Variants in NRP2 observed in about 807,000 individuals in gnomAD.
The protein encoded by NRP2 is neuropilin 2, also known as neuropilin-2.
Under a neutral mutation model 110.4 loss-of-function variants are expected in NRP2, and 52 were observed. That is an observed-to-expected ratio of 0.47 (90% CI 0.38 to 0.59). The LOEUF (loss-of-function observed/expected upper bound fraction) is 0.59. Ranked by LOEUF, NRP2 falls within the 20% of genes least tolerant of loss-of-function variation. NRP2 has a pLI of 0.00. For missense variants in NRP2, 1,049 were observed against 1,203.0 expected (o/e 0.87, Z 1.89); for synonymous variants, 508 against 468.9 (o/e 1.08, Z -1.08).
In NRP2 at chr2:205,722,504, A is replaced by T. The variant is rs745343398; in HGVS notation, c.460A>T (p.Thr154Ser). 4 of 1,614,198 alleles carry T rather than the reference A, an allele frequency of 2.5e-6. No homozygotes were observed. Among genetic ancestry groups the T allele is most frequent in the Admixed American group, 1.7e-5 (1 of 60,034 alleles). The change falls in exon 4 of 17, where the codon ACA becomes TCA. Residue 154 changes from threonine (T) to serine (S), a missense_variant. Coordinates refer to ENST00000357785, the MANE Select transcript of NRP2 (RefSeq NM_003872.3). ...TGSEDCSKNF[T>S]SPNGTIESPG... ...CTCTGAAGATTGCTCAAAAAACTTC[A>T]CAAGCCCCAACGGGACCATCGAATC...
intron 10 of NRP2, among the ~76,000 whole-genome samples, chr2:205,749,435 C>T (rs1036064016): frequency 5.9e-5 from 9 of 152,144 alleles, no homozygotes; most frequent in Middle Eastern, 3.2e-3. Flanking sequence ...TAGCCCCCTC[C>T]ATTATTGTCT....
chr2:205,767,661 T>C (rs2057949020), intron 15 of NRP2: 3 of 257,906 alleles, frequency 1.2e-5, no homozygotes, highest in African/African-American at 6.9e-5. Context: ...CATTTTGCCC[T>C]CTTTGCAAAC....
At chr2:205,745,966 G>C (rs1269572103) in intron 10 of NRP2, 76 bp downstream of exon 10, 1 of 1,539,266 alleles carries the variant, frequency 6.5e-7, no homozygotes, top group African/African-American at 1.4e-5. Flanking sequence ...GGCCCTGGGA[G>C]GGCTGTGGAG....
chr2:205,752,935 C>G lies in NRP2; in HGVS notation c.2004C>G (p.Thr668=). The G allele has an allele frequency of 6.2e-7, 1 of 1,614,078 alleles. No individual in the cohort carries two copies. Among genetic ancestry groups the G allele is most frequent in the Non-Finnish European group, 8.5e-7 (1 of 1,180,032 alleles). ...MYDHAKWLRT[T]WASSSSPNDR... ...ACCATGCCAAGTGGCTCCGGACCAC[C>G]TGGGCCAGCAGCTCCAGCCCAAACG... is the stretch of plus-strand genomic sequence containing the variant. The change falls in exon 12 of 17, where the codon ACC becomes ACG. Residue 668 remains threonine, a synonymous_variant. Coordinates refer to ENST00000357785, the MANE Select transcript of NRP2 (RefSeq NM_003872.3).
At chr2:205,697,194 G>T (rs1421161275) in intron 1 of NRP2, among the ~76,000 whole-genome samples, 2 of 152,080 alleles carry the variant, frequency 1.3e-5, no homozygotes, top group African/African-American at 4.8e-5. Flanking sequence ...AGGAAGATGG[G>T]CCAAGGAGGG....
chr2:205,698,014 C>A (rs1016425895), intron 2 of NRP2: 13 of 442,506 alleles, frequency 2.9e-5, no homozygotes, highest in Non-Finnish European at 5.5e-5. Flanking sequence ...AGGGGCTGGA[C>A]TACAAAACTC....
rs748525997 is a variant in NRP2 at position 205,763,691 on chromosome 2, C to A, written c.2062C>A (p.Arg688=). ...RTFPDDRNFL[R]LQSDSQREGQ... is the part of the protein sequence containing the mutation. The stretch of plus-strand genomic sequence containing the variant: ...TCTGCCAGATGACAGGAATTTCTTG[C>A]GGCTGCAGAGTGACAGCCAGAGAGA... Residue 688 remains arginine, a synonymous_variant, in exon 13 of 17, where the codon CGG becomes AGG. Transcript: ENST00000357785. This position sits in a 1 kb window ranked among gnomAD's most constrained non-coding sequence, Gnocchi z 4.0. 1.9e-6 allele frequency: 3 copies of A among 1,614,086 alleles called. No individual in the cohort carries two copies. Among genetic ancestry groups the A allele is most frequent in the Admixed American group, 1.7e-5 (1 of 60,010 alleles).
chr2:205,690,976 G>C (rs1336685555), intron 1 of NRP2, among the ~76,000 whole-genome samples: 1 of 152,060 alleles, frequency 6.6e-6, no homozygotes, highest in African/African-American at 2.4e-5. Context: ...TAACAGCTGG[G>C]GGTGGGGAGG....
intron 6 of NRP2, 97 bp from the exon 7 acceptor site, chr2:205,727,794 T>G: frequency 7.9e-7 from 1 of 1,263,130 alleles, no homozygotes. Context: ...AGATACAGGT[T>G]GGAAGCAAAG....
rs1015242860 is a variant in NRP2, at chr2:205,686,269, A to G, written c.73+2906A>G. On this transcript the variant is annotated intron_variant, in intron 1 of 16. Coordinates refer to ENST00000357785, the MANE Select transcript of NRP2 (RefSeq NM_003872.3). The surrounding 1 kb of genome is among the most constrained non-coding windows in gnomAD (Gnocchi z 4.7). The stretch of plus-strand genomic sequence containing the variant: ...ACACCCCCAGGGAAAAGCCTGCGGC[A>G]TTTCTTCAACGCTGCCCTATGCCGG... 5.9e-5 allele frequency among the ~76,000 whole-genome samples: 9 copies of G among 152,098 alleles called. No individual in the cohort carries two copies. Among genetic ancestry groups the G allele is most frequent in the Admixed American group, 4.6e-4 (7 of 15,294 alleles).
intron 8 of NRP2, among the ~76,000 whole-genome samples, chr2:205,742,888 C>T (rs2057468074): frequency 1.3e-5 from 2 of 152,142 alleles, no homozygotes; most frequent in Non-Finnish European, 2.9e-5. Context: ...CTAACAGAAT[C>T]CTTGCAACAG....
intron 7 of NRP2, among the ~76,000 whole-genome samples, chr2:205,733,962 G>C (rs1397320822): frequency 6.6e-6 from 1 of 152,070 alleles, no homozygotes; most frequent in African/African-American, 2.4e-5. Flanking sequence ...CACACAGATG[G>C]GGATGCGCAC....
chr2:205,723,971 G>A, intron 5 of NRP2, 31 bp downstream of exon 5: 2 of 1,613,516 alleles, frequency 1.2e-6, no homozygotes, highest in Non-Finnish European at 1.7e-6. Context: ...CCTCTGTCCT[G>A]TCCTTCCGTC....
chr2:205,777,062 T>C (rs2105949084), intron 15 of NRP2: 1 of 998,210 alleles, frequency 1.0e-6, no homozygotes, highest in Non-Finnish European at 1.2e-6. Context: ...AACTCTTATG[T>C]TACTTCTCCT....
At chr2:205,748,779 A>C (rs2057586993) in intron 10 of NRP2, among the ~76,000 whole-genome samples, 1 of 152,162 alleles carries the variant, frequency 6.6e-6, no homozygotes, top group African/African-American at 2.4e-5. Context: ...CATGGACTTG[A>C]GCACCAGTTT....
intron 15 of NRP2, among the ~76,000 whole-genome samples, chr2:205,772,018 G>T (rs539875842): frequency 6.6e-6 from 1 of 152,330 alleles, no homozygotes; most frequent in South Asian, 2.1e-4. Context: ...TTCTAGCCGT[G>T]ACTCTGACAC....
intron 2 of NRP2, among the ~76,000 whole-genome samples, chr2:205,699,913 T>C (rs184984106): frequency 6.6e-6 from 1 of 152,270 alleles, no homozygotes. Context: ...TTAAGCCTCA[T>C]CCACTTAACC....
At chr2:205,728,727 C>T (rs2057178260) in intron 7 of NRP2, among the ~76,000 whole-genome samples, 1 of 152,226 alleles carries the variant, frequency 6.6e-6, no homozygotes, top group Non-Finnish European at 1.5e-5. Context: ...CTGCAGCTGG[C>T]ACAGGCGATG....
intron 1 of NRP2, among the ~76,000 whole-genome samples, chr2:205,696,288 G>C (rs1040216245): frequency 1.3e-5 from 2 of 152,128 alleles, no homozygotes; most frequent in Non-Finnish European, 2.9e-5. Flanking sequence ...TGCATGACCT[G>C]TTCCCTCAAA....
Sources: allele counts gnomAD v4.1 joint callset (sites outside exome capture counted in the v4.1 genomes callset), GRCh38; gene constraint gnomAD v4.1.1; non-coding constraint Gnocchi (gnomAD v3.1); transcripts MANE v1.5; gene names NCBI Gene and HGNC (gene_info 2026-07-23, HGNC 2026-07-21).